The following RANBP2 variants were observed in gnomAD, a reference collection of about 807,000 sequenced individuals.
The protein encoded by RANBP2 is RAN binding protein 2.
Under a neutral mutation model 303.6 loss-of-function variants are expected in RANBP2, and 57 were observed. The ratio of observed to expected loss-of-function variants is 0.19; its 90% CI spans 0.15 to 0.23. RANBP2 has a LOEUF of 0.23. RANBP2 is among the 10% of genes least tolerant of loss of function. The pLI is 1.00. For missense variants in RANBP2, 3,138 were observed against 3,780.8 expected (o/e 0.83, Z 4.46); for synonymous variants, 1,167 against 1,301.5 (o/e 0.90, Z 2.23).
the RANBP2 span, chr2:109,615,526 A>G: frequency 6.2e-7 from 1 of 1,613,924 alleles, no homozygotes; most frequent in Non-Finnish European, 8.5e-7. Flanking sequence ...ACCGCCCTGC[A>G]CTTGGCAGCC....
the RANBP2 span, chr2:109,760,395 G>T: frequency 1.9e-6 from 1 of 533,216 alleles, no homozygotes; most frequent in Non-Finnish European, 2.2e-6. Context: ...GGCCAGGCGG[G>T]GCGGGGGCGG....
the RANBP2 span, among the ~76,000 whole-genome samples, chr2:109,067,164 C>A: frequency 5.3e-5 from 8 of 152,010 alleles, no homozygotes; most frequent in East Asian, 1.9e-4. Context: ...GCTTGTTCAG[C>A]GAAGGACGCA....
chr2:109,755,204 G>GC, the RANBP2 span, among the ~76,000 whole-genome samples: 43 of 122,498 alleles, frequency 3.5e-4, 1 homozygote, highest in African/African-American at 1.4e-3. Flanking sequence ...TTGGTGGGGG[G>GC]GGGCCCAAGC....
the RANBP2 span, among the ~76,000 whole-genome samples, chr2:109,303,526 C>A: frequency 1.3e-5 from 2 of 152,192 alleles, no homozygotes; most frequent in Non-Finnish European, 2.9e-5. Context: ...GGTGACCCTG[C>A]AATGGTCTGT....
At chr2:109,352,377 C>T in the RANBP2 span, among the ~76,000 whole-genome samples, 1 of 152,148 alleles carries the variant, frequency 6.6e-6, no homozygotes, top group African/African-American at 2.4e-5. Context: ...TTCCTGGTGG[C>T]TAAATCTCAG....
At chr2:109,699,176 G>T in the RANBP2 span, among the ~76,000 whole-genome samples, 8 of 152,174 alleles carry the variant, frequency 5.3e-5, no homozygotes, top group Non-Finnish European at 7.3e-5. Flanking sequence ...TCATGCCTGT[G>T]GAATGTCATT....
the RANBP2 span, among the ~76,000 whole-genome samples, chr2:109,661,595 T>C: frequency 6.6e-6 from 1 of 152,154 alleles, no homozygotes; most frequent in Admixed American, 6.5e-5. Context: ...AACTTTTGCT[T>C]ATATTCCACT....
chr2:109,642,303 G>A, the RANBP2 span, among the ~76,000 whole-genome samples: 12 of 152,200 alleles, frequency 7.9e-5, no homozygotes, highest in Admixed American at 5.9e-4. Flanking sequence ...TCTACCACTA[G>A]CATTTAACTG....
the RANBP2 span, among the ~76,000 whole-genome samples, chr2:109,006,554 G>C: frequency 6.6e-6 from 1 of 152,160 alleles, no homozygotes; most frequent in African/African-American, 2.4e-5. Context: ...TGTATTTTCA[G>C]GTTAAAATAC....
the RANBP2 span, among the ~76,000 whole-genome samples, chr2:109,713,750 G>A: frequency 1.3e-5 from 2 of 152,140 alleles, no homozygotes; most frequent in Non-Finnish European, 2.9e-5. Flanking sequence ...CCATTAAAGG[G>A]CATCTGCAAA....
the RANBP2 span, among the ~76,000 whole-genome samples, chr2:109,480,422 G>A: frequency 6.6e-6 from 1 of 152,186 alleles, no homozygotes; most frequent in Non-Finnish European, 1.5e-5. Context: ...AGCTAAGATG[G>A]CCATGAGGCT....
the RANBP2 span, among the ~76,000 whole-genome samples, chr2:109,222,013 C>A: frequency 2.7e-3 from 414 of 152,044 alleles, 4 homozygotes; most frequent in African/African-American, 9.6e-3. Context: ...TACTATTCAG[C>A]CTTTCAAAAG....
the RANBP2 span, among the ~76,000 whole-genome samples, chr2:108,991,061 G>C: frequency 5.3e-3 from 793 of 150,484 alleles, 1 homozygote; most frequent in Non-Finnish European, 7.2e-3. Flanking sequence ...ATTTCCCAAA[G>C]AGAGAGAAAA....
chr2:109,483,729 G>A, the RANBP2 span, among the ~76,000 whole-genome samples: 4 of 152,200 alleles, frequency 2.6e-5, no homozygotes, highest in Non-Finnish European at 5.9e-5. Flanking sequence ...TCACCCAGCT[G>A]TGCCACATGA....
chr2:109,383,904 C>T, the RANBP2 span, among the ~76,000 whole-genome samples: 13 of 152,208 alleles, frequency 8.5e-5, no homozygotes, highest in African/African-American at 1.9e-4. Flanking sequence ...CCTACCACCC[C>T]GCTGAGTCTC....
chr2:109,006,743 C>G, the RANBP2 span, among the ~76,000 whole-genome samples: 1 of 152,146 alleles, frequency 6.6e-6, no homozygotes, highest in Non-Finnish European at 1.5e-5. Context: ...ACAGCCCTGG[C>G]TGGAAGGTAT....
At chr2:109,717,496 C>A in the RANBP2 span, among the ~76,000 whole-genome samples, 1 of 152,008 alleles carries the variant, frequency 6.6e-6, no homozygotes, top group Admixed American at 6.6e-5. Context: ...GCAGGAGAAT[C>A]GCTTGAACCC....
chr2:109,195,317 G>A, the RANBP2 span, among the ~76,000 whole-genome samples: 1 of 152,154 alleles, frequency 6.6e-6, no homozygotes, highest in Non-Finnish European at 1.5e-5. Flanking sequence ...GCAGTTCCTG[G>A]GAGGAAGGAG....
chr2:109,295,427 G>C, the RANBP2 span, among the ~76,000 whole-genome samples: 1 of 152,252 alleles, frequency 6.6e-6, no homozygotes, highest in African/African-American at 2.4e-5. Context: ...AAAGAACTCA[G>C]GGCGGGAGCC....
Sources: allele counts gnomAD v4.1 joint callset (sites outside exome capture counted in the v4.1 genomes callset), GRCh38; gene constraint gnomAD v4.1.1; transcripts MANE v1.5; gene names NCBI Gene and HGNC (gene_info 2026-07-23, HGNC 2026-07-21).